The following ZDHHC17 variants were observed in gnomAD, a reference collection of about 807,000 sequenced individuals.
The protein encoded by ZDHHC17 is palmitoyltransferase ZDHHC17.
ZDHHC17 carries 40 observed loss-of-function variants against 90.3 expected under a neutral mutation model. That is an observed-to-expected ratio of 0.44 (90% confidence interval 0.34 to 0.58). ZDHHC17 has a LOEUF of 0.58. ZDHHC17 is among the 20% of genes least tolerant of loss of function. ZDHHC17 has a pLI of 0.01. For synonymous variants in ZDHHC17, 235 were observed against 252.4 expected, an observed-to-expected ratio of 0.93 and a Z score of 0.65; for missense variants, 614 against 780.8, an observed-to-expected ratio of 0.79 and a Z score of 2.55.
At chr12:76,767,650 T>G (rs1316967274) in intron 1 of ZDHHC17, among the ~76,000 whole-genome samples, 1 of 152,234 alleles carries the variant, frequency 6.6e-6, no homozygotes, top group Non-Finnish European at 1.5e-5. Flanking sequence ...CTGGGCGTGG[T>G]GGCTCACGCC....
intron 8 of ZDHHC17, 62 bp from the exon 9 acceptor site, chr12:76,826,846 T>C: frequency 6.9e-7 from 1 of 1,452,050 alleles, no homozygotes; most frequent in Non-Finnish European, 9.0e-7. Context: ...AAGGTAACAA[T>C]GATTCAGATT....
chr12:76,809,205 TGAATA>T lies in ZDHHC17; in HGVS notation c.398+87_398+91del, dbSNP rs1305370515. 3.5e-6 allele frequency: 3 copies of T among 846,454 alleles called. No homozygotes were observed. The African/African-American group carries it at 5.4e-5, about 15-fold the overall frequency. The allele number at this position is 846,454 out of a possible 1,614,324, so 52.4% of individuals were successfully genotyped here. On this transcript the variant is annotated intron_variant, in intron 4 of 16. Coordinates refer to ENST00000426126, the MANE Select transcript of ZDHHC17 (RefSeq NM_015336.4). ...ACTTTAAAAAAATGATATACTAAAA[TGAATA>T]GGAGAGCTTATTATGCCGTTAGTTA...
chr12:76,803,334 G>A (rs752913492), intron 2 of ZDHHC17, among the ~76,000 whole-genome samples: 3 of 152,134 alleles, frequency 2.0e-5, no homozygotes, highest in South Asian at 2.1e-4. Context: ...GTCTGTCATT[G>A]TCCTTTCCCG....
intron 5 of ZDHHC17, among the ~76,000 whole-genome samples, chr12:76,811,024 A>G (rs1161182995): frequency 2.6e-5 from 4 of 152,326 alleles, no homozygotes; most frequent in East Asian, 3.9e-4. Context: ...CAGGAGAACT[A>G]GACTTCTTAC....
chr12:76,791,403 C>G (rs975454119), intron 1 of ZDHHC17, among the ~76,000 whole-genome samples: 1 of 152,024 alleles, frequency 6.6e-6, no homozygotes, highest in Non-Finnish European at 1.5e-5. Flanking sequence ...TTGCCTATTT[C>G]TATGGCTGTA....
At chr12:76,833,435 T>C (rs1953328113) in intron 10 of ZDHHC17, among the ~76,000 whole-genome samples, 2 of 152,200 alleles carry the variant, frequency 1.3e-5, no homozygotes, top group Admixed American at 1.3e-4. Context: ...ACTCTGAATA[T>C]AATTTTAAGT....
chr12:76,774,713 C>G (rs937109667), intron 1 of ZDHHC17, among the ~76,000 whole-genome samples: 1 of 152,130 alleles, frequency 6.6e-6, no homozygotes, highest in Non-Finnish European at 1.5e-5. Flanking sequence ...GTTTTATTAT[C>G]TGGAAAGTGG....
chr12:76,839,404 T>C (rs190033860), intron 10 of ZDHHC17, among the ~76,000 whole-genome samples: 23 of 152,366 alleles, frequency 1.5e-4, no homozygotes, highest in Non-Finnish European at 1.9e-4. Flanking sequence ...CTGTCTCCTT[T>C]CTGAAGTTGT....
intron 1 of ZDHHC17, among the ~76,000 whole-genome samples, chr12:76,791,553 C>A (rs1170517735): frequency 6.6e-6 from 1 of 152,082 alleles, no homozygotes; most frequent in East Asian, 1.9e-4. Flanking sequence ...GAATCAAGTA[C>A]CCGTAGAGAC....
At chr12:76,840,794 C>T (rs1321187873) in intron 10 of ZDHHC17, among the ~76,000 whole-genome samples, 2 of 152,184 alleles carry the variant, frequency 1.3e-5, no homozygotes, top group Non-Finnish European at 2.9e-5. Flanking sequence ...ATATACCTTT[C>T]AAATATGTAG....
At chr12:76,786,147 A>G (rs1432756406) in intron 1 of ZDHHC17, among the ~76,000 whole-genome samples, 1 of 146,206 alleles carries the variant, frequency 6.8e-6, no homozygotes, top group Non-Finnish European at 1.5e-5. Context: ...AAGAGATGGG[A>G]TCTTGCTCTG....
intron 1 of ZDHHC17, among the ~76,000 whole-genome samples, chr12:76,788,576 ATATAT>A (rs1324559666): frequency 6.6e-6 from 1 of 152,108 alleles, no homozygotes; most frequent in African/African-American, 2.4e-5. Flanking sequence ...TGTAATACAA[ATATAT>A]TAAGCAGATT....
At chr12:76,830,078 A>AT (rs35241566) in intron 10 of ZDHHC17, among the ~76,000 whole-genome samples, 92,977 of 152,130 alleles carry the variant, frequency 0.61, 28,474 homozygotes, top group East Asian at 0.67. Flanking sequence ...AATTTTTGAT[A>AT]TTTTACATAG....
At chr12:76,824,896 T>G (rs1413566789) in intron 8 of ZDHHC17, among the ~76,000 whole-genome samples, 1 of 152,010 alleles carries the variant, frequency 6.6e-6, no homozygotes, top group Non-Finnish European at 1.5e-5. Context: ...TTAAAAAATC[T>G]TAGATTTTTA....
intron 2 of ZDHHC17, among the ~76,000 whole-genome samples, chr12:76,805,014 C>A (rs1414701635): frequency 6.6e-6 from 1 of 151,906 alleles, no homozygotes; most frequent in Non-Finnish European, 1.5e-5. Context: ...TTTTTACAGT[C>A]TGCCTTAAGA....
At position 76,850,938 on chromosome 12, in the gene ZDHHC17, A is replaced by T; in HGVS notation, c.1852A>T (p.Thr618Ser). The T allele has an allele frequency of 6.2e-7, 1 of 1,613,960 alleles. No individual in the cohort carries two copies. Among genetic ancestry groups the T allele is most frequent in the Non-Finnish European group, 8.5e-7 (1 of 1,179,878 alleles). The change falls in exon 17 of 17, where the codon ACA (threonine) becomes TCA (serine). Residue 618 changes from threonine (T) to serine (S), a missense_variant. Physicochemically the swap from Thr to Ser is moderately conservative, Grantham distance 58 (BLOSUM62 1). Coordinates refer to ENST00000426126, the MANE Select transcript of ZDHHC17 (RefSeq NM_015336.4). ...TATCGTGGACTGGACCAGGCAGTAT[A>T]CAATAGAATATGACCAAATATCAGG... ...PVIVDWTRQYTIEYDQISGSG... is the reference protein window; with the variant it reads ...PVIVDWTRQYSIEYDQISGSG...
intron 16 of ZDHHC17, among the ~76,000 whole-genome samples, chr12:76,850,521 C>T (rs1362122347): frequency 6.6e-6 from 1 of 151,776 alleles, no homozygotes; most frequent in African/African-American, 2.4e-5. Flanking sequence ...AGTTCGAGGC[C>T]AGGCCGGGCA....
intron 1 of ZDHHC17, among the ~76,000 whole-genome samples, chr12:76,765,062 C>T (rs1198604582): frequency 6.6e-6 from 1 of 152,190 alleles, no homozygotes. Context: ...GCTTGTTTAC[C>T]TCCGAGTTTG....
chr12:76,822,654 A>G, intron 8 of ZDHHC17, 123 bp downstream of exon 8: 1 of 742,812 alleles, frequency 1.3e-6, no homozygotes, highest in Non-Finnish European at 2.2e-6. Context: ...TCTCGGTTTA[A>G]AGTGATTCTT....
Sources: gnomAD v4.1 joint callset for allele counts (sites outside exome capture counted in the v4.1 genomes callset) on GRCh38, gnomAD v4.1.1 for gene constraint, MANE v1.5 for transcripts, NCBI Gene and HGNC (gene_info 2026-07-23, HGNC 2026-07-21) for gene names.